Variants in SORCS1 observed in about 807,000 individuals in gnomAD.
SORCS1 encodes the protein sortilin related VPS10 domain containing receptor 1.
A neutral mutation model predicts 146.1 loss-of-function variants in SORCS1; 60 were observed. That is an observed-to-expected ratio of 0.41 (90% confidence interval 0.33 to 0.51). The LOEUF (loss-of-function observed/expected upper bound fraction) is 0.51, where lower values mean the gene tolerates loss of function less well. SORCS1 is among the 20% of genes least tolerant of loss of function. SORCS1 has a pLI of 0.21. For synonymous variants in SORCS1, 637 were observed against 584.0 expected (o/e 1.09, Z -1.31); for missense variants, 1,352 against 1,487.6 (o/e 0.91, Z 1.50).
At chr10:107,134,019 T>C (rs1368149915) in intron 1 of SORCS1, among the ~76,000 whole-genome samples, 1 of 152,204 alleles carries the variant, frequency 6.6e-6, no homozygotes, top group African/African-American at 2.4e-5. Context: ...CAGAATTCTC[T>C]CCCTATGCAC....
In SORCS1 at chr10:107,060,963, T is replaced by TA. The variant is rs1961157294; in HGVS notation, c.558+103005dup. 6.6e-6 allele frequency among the ~76,000 whole-genome samples: 1 copy of TA among 152,104 alleles called. No individual in the cohort carries two copies. Among genetic ancestry groups the TA allele is most frequent in the South Asian group, 2.1e-4 (1 of 4,826 alleles). Reference sequence around the variant, plus strand: ...TTTCCCTTTCTCTTTCCAAGTTAAATAAAAAAATTTATCTTCTGTTTCTAC... The same window carrying TA: ...TTTCCCTTTCTCTTTCCAAGTTAAATAAAAAAAATTTATCTTCTGTTTCTAC... On this transcript the variant is annotated intron_variant, in intron 1 of 25. Transcript: ENST00000263054. The surrounding 1 kb of genome is among the most constrained non-coding windows in gnomAD (Gnocchi z 4.1).
At chr10:107,043,353 T>C (rs544363024) in intron 1 of SORCS1, among the ~76,000 whole-genome samples, 8 of 152,152 alleles carry the variant, frequency 5.3e-5, no homozygotes, top group Non-Finnish European at 1.2e-4. Context: ...GCAGGTTTTA[T>C]GTTGGAAGGT....
intron 18 of SORCS1, among the ~76,000 whole-genome samples, chr10:106,647,506 TAA>T (rs932055636): frequency 9.2e-5 from 14 of 151,932 alleles, no homozygotes; most frequent in African/African-American, 2.7e-4. Context: ...AATTAGTAAT[TAA>T]GATAGGTTTT....
chr10:106,652,827 A>G (rs1461466488), intron 17 of SORCS1, among the ~76,000 whole-genome samples: 1 of 152,228 alleles, frequency 6.6e-6, no homozygotes, highest in African/African-American at 2.4e-5. Flanking sequence ...GGAAATGCAC[A>G]GAAATAGAAG....
intron 1 of SORCS1, among the ~76,000 whole-genome samples, chr10:107,012,782 C>T (rs1179235837): frequency 2.6e-5 from 4 of 152,196 alleles, no homozygotes; most frequent in African/African-American, 4.8e-5. Flanking sequence ...TAGTTCCCCA[C>T]AGATACCATG....
rs1961095482 is a variant in SORCS1 at position 107,060,559 on chromosome 10, C to T, written c.558+103410G>A. ...CCAACATCCTCTCAGGCCTCAAGGA[C>T]CTTCCTTGGGATCAAAGTCATTTTT... On this transcript the variant is annotated intron_variant, in intron 1 of 25. Coordinates refer to ENST00000263054, the MANE Select transcript of SORCS1 (RefSeq NM_052918.5). The surrounding 1 kb of genome is among the most constrained non-coding windows in gnomAD (Gnocchi z 4.1). Among the ~76,000 whole-genome samples the T allele has an allele frequency of 6.6e-6, 1 of 152,138 alleles. No homozygotes were observed. The highest frequency in any genetic ancestry group is 1.5e-5 in the Non-Finnish European group (1 of 68,024).
At chr10:106,613,941 G>A (rs1024216662) in intron 21 of SORCS1, among the ~76,000 whole-genome samples, 4 of 151,850 alleles carry the variant, frequency 2.6e-5, no homozygotes, top group African/African-American at 4.8e-5. Context: ...GTCTCACCCC[G>A]AGAGGCCTTT....
rs201504195 is a variant in SORCS1 at position 106,652,558 on chromosome 10, A to G, written c.2304-5T>C. ...TTGGAAACCACCTTCCTGTACCTAA[A>G]TGGAAAAAAGCTCAAGTCGTAAACC... On this transcript the variant is annotated splice_polypyrimidine_tract_variant and splice_region_variant and intron_variant, in intron 17 of 25. Transcript: ENST00000263054. 2.1e-3 allele frequency: 3,394 copies of G among 1,610,472 alleles called. 3 individuals carry two copies. The highest frequency in any genetic ancestry group is 2.5e-3 in the Non-Finnish European group (2,992 of 1,177,304).
Position 106,709,292 on chromosome 10 carries a change from C to G in SORCS1, c.1074G>C (p.Arg358Ser), listed in dbSNP as rs767755362. ...CAATGTAGCCTGGAAAAGGCTGATT[C>G]CTGTTGGCCTCTGTACAGTTCTGCA... ...CRMQNCTEAN[R>S]NQPFPGYIDP... The change falls in exon 7 of 26, where the codon AGG becomes AGC. Residue 358 changes from arginine (R) to serine (S), a missense_variant. Around this residue, in one of 3 missense-constraint regions of SORCS1, gnomAD observed 490 missense variants for 489.1 expected, o/e 1.00. Coordinates refer to ENST00000263054, the MANE Select transcript of SORCS1 (RefSeq NM_052918.5). 5 of 1,613,758 alleles carry G rather than the reference C, an allele frequency of 3.1e-6. No homozygotes were observed. The highest frequency in any genetic ancestry group is 1.3e-5 in the African/African-American group (1 of 74,878).
chr10:106,844,314 A>G (rs1396477812), intron 2 of SORCS1, among the ~76,000 whole-genome samples: 2 of 151,952 alleles, frequency 1.3e-5, no homozygotes, highest in East Asian at 1.9e-4. Context: ...AACTTTTTTG[A>G]TTAATATATT....
chr10:106,687,552 C>T (rs920872107), intron 10 of SORCS1, among the ~76,000 whole-genome samples: 1 of 152,140 alleles, frequency 6.6e-6, no homozygotes, highest in Admixed American at 6.5e-5. Context: ...GTCAACAATA[C>T]ATGAATGAAT....
At chr10:106,805,671 T>A (rs1446906566) in intron 3 of SORCS1, among the ~76,000 whole-genome samples, 1 of 152,194 alleles carries the variant, frequency 6.6e-6, no homozygotes, top group Non-Finnish European at 1.5e-5. Context: ...ATGACAGAAA[T>A]GATTTATTTG....
rs1459496000 is a variant in SORCS1 at position 106,730,175 on chromosome 10, T to G, written c.960-61A>C. On this transcript the variant is annotated intron_variant, in intron 5 of 25. Coordinates refer to ENST00000263054, the MANE Select transcript of SORCS1 (RefSeq NM_052918.5). Reference sequence around the variant, plus strand: ...ATTAATGACTTCACATGTGCCTTAGTGGAACTCGGCAGAGCCCCCAGACTA... The same window carrying G: ...ATTAATGACTTCACATGTGCCTTAGGGGAACTCGGCAGAGCCCCCAGACTA... 3.2e-6 allele frequency: 5 copies of G among 1,541,666 alleles called. No homozygotes were observed. In the East Asian group the frequency reaches 1.1e-4, roughly 35 times the overall value.
At chr10:106,932,947 T>A (rs1953493304) in intron 2 of SORCS1, among the ~76,000 whole-genome samples, 1 of 152,220 alleles carries the variant, frequency 6.6e-6, no homozygotes, top group Admixed American at 6.5e-5. Flanking sequence ...ATATCAGTGA[T>A]CTCTGTCAAC....
intron 1 of SORCS1, among the ~76,000 whole-genome samples, chr10:107,019,802 C>T (rs1958054806): frequency 6.6e-6 from 1 of 152,236 alleles, no homozygotes; most frequent in African/African-American, 2.4e-5. Context: ...TGGGGCATGA[C>T]TATCTCTGTC....
At chr10:107,002,281 A>C (rs867378258) in intron 1 of SORCS1, among the ~76,000 whole-genome samples, 23 of 152,264 alleles carry the variant, frequency 1.5e-4, no homozygotes, top group African/African-American at 3.4e-4. Flanking sequence ...CCAAACTAAT[A>C]TCTCTCTCAA....
chr10:106,766,368 CT>C (rs919135797), intron 4 of SORCS1, among the ~76,000 whole-genome samples: 1 of 152,148 alleles, frequency 6.6e-6, no homozygotes, highest in Non-Finnish European at 1.5e-5. Flanking sequence ...TTCCTCCATC[CT>C]TTTTTAGCAA....
At chr10:106,920,301 G>GGTT (rs1378582172) in intron 2 of SORCS1, among the ~76,000 whole-genome samples, 1 of 152,138 alleles carries the variant, frequency 6.6e-6, no homozygotes, top group Non-Finnish European at 1.5e-5. Flanking sequence ...TCTTTCTTTA[G>GGTT]GTTTTCTTCT....
intron 1 of SORCS1, among the ~76,000 whole-genome samples, chr10:106,961,569 G>C (rs1011579679): frequency 1.3e-5 from 2 of 152,160 alleles, no homozygotes; most frequent in Non-Finnish European, 2.9e-5. Flanking sequence ...CAGAAAGTGC[G>C]ATGGAAGTGA....
Sources: gnomAD v4.1 joint callset for allele counts (sites outside exome capture counted in the v4.1 genomes callset) on GRCh38, gnomAD v4.1.1 for gene constraint, gnomAD v4.1.1 regional missense constraint, Gnocchi (gnomAD v3.1) non-coding constraint, MANE v1.5 for transcripts, NCBI Gene and HGNC (gene_info 2026-07-23, HGNC 2026-07-21) for gene names.